PRMT3: variants seen among roughly 807,000 people sequenced by gnomAD.
PRMT3 encodes protein arginine N-methyltransferase 3.
A neutral mutation model predicts 71.9 loss-of-function variants in PRMT3; 62 were observed. That is an observed-to-expected ratio of 0.86 (90% CI 0.70 to 1.07). PRMT3 has a LOEUF of 1.07. Among genes scored for constraint, PRMT3 ranks in the 50% least tolerant of loss-of-function variants. The probability of loss-of-function intolerance (pLI) is 0.00; values close to 1 mark genes in which losing one functional copy is unlikely to be tolerated. For missense variants in PRMT3, 663 were observed against 643.0 expected (o/e 1.03, Z -0.34); for synonymous variants, 213 against 220.4 (o/e 0.97, Z 0.30).
At chr11:20,389,382 C>G (rs1166943897) in intron 2 of PRMT3, among the ~76,000 whole-genome samples, 2 of 152,110 alleles carry the variant, frequency 1.3e-5, no homozygotes, top group Non-Finnish European at 2.9e-5. Context: ...AGAGTTGACA[C>G]TTAGAGGAGA....
intron 13 of PRMT3, among the ~76,000 whole-genome samples, chr11:20,464,795 A>T (rs1271725253): frequency 6.6e-6 from 1 of 152,170 alleles, no homozygotes; most frequent in Admixed American, 6.5e-5. Context: ...AGTCTTCATT[A>T]TTTCCTATCA....
chr11:20,438,334 C>G (rs746168200), intron 10 of PRMT3, among the ~76,000 whole-genome samples: 3 of 55,380 alleles, frequency 5.4e-5, no homozygotes, highest in Non-Finnish European at 2.5e-4. Flanking sequence ...TGGGTGTTGG[C>G]TGTATCCCAG....
At position 20,387,871 on chromosome 11, in the gene PRMT3, G is replaced by C; in HGVS notation, c.28+97G>C. 1 of 1,535,722 alleles carries C rather than the reference G, an allele frequency of 6.5e-7. No individual in the cohort carries two copies. Among genetic ancestry groups the C allele is most frequent in the Non-Finnish European group, 8.8e-7 (1 of 1,140,554 alleles). ...CCCTCCGGGACACGGGCCCGGGCAG[G>C]GTGGGGGGCTCGCAGGGATCATGAA... On this transcript the variant is annotated intron_variant, in intron 1 of 15. Transcript: ENST00000331079. The surrounding 1 kb of genome is among the most constrained non-coding windows in gnomAD (Gnocchi z 4.3).
chr11:20,477,539 G>A (rs1430868323), intron 13 of PRMT3, among the ~76,000 whole-genome samples: 4 of 149,460 alleles, frequency 2.7e-5, no homozygotes, highest in African/African-American at 2.5e-5. Flanking sequence ...CTGGGTGACA[G>A]AGCAAGATTC....
chr11:20,390,846 C>G (rs148892624), intron 3 of PRMT3, among the ~76,000 whole-genome samples: 3 of 152,004 alleles, frequency 2.0e-5, no homozygotes, highest in Non-Finnish European at 4.4e-5. Context: ...GTCAGGAGAT[C>G]GAGACCATCC....
At chr11:20,408,830 A>T (rs1849129449) in intron 9 of PRMT3, among the ~76,000 whole-genome samples, 1 of 152,188 alleles carries the variant, frequency 6.6e-6, no homozygotes, top group South Asian at 2.1e-4. Flanking sequence ...ATGGTGGCTC[A>T]TGTCTGTAAT....
intron 10 of PRMT3, among the ~76,000 whole-genome samples, chr11:20,447,192 G>A (rs1446572194): frequency 6.6e-6 from 1 of 151,920 alleles, no homozygotes; most frequent in Non-Finnish European, 1.5e-5. Context: ...CAGTAGATTA[G>A]GAAAGAATGC....
intron 15 of PRMT3, 118 bp from the exon 16 acceptor site, chr11:20,508,183 TAAA>T: frequency 3.8e-6 from 2 of 522,768 alleles, no homozygotes; most frequent in South Asian, 3.1e-5. Flanking sequence ...ATATTAACCT[TAAA>T]TAAAGTTTAA....
chr11:20,389,036 C>T (rs530181122), intron 2 of PRMT3, among the ~76,000 whole-genome samples: 1 of 152,208 alleles, frequency 6.6e-6, no homozygotes, highest in East Asian at 1.9e-4. Flanking sequence ...TTATTGAGCA[C>T]CAGTGGTACC....
At chr11:20,426,149 C>T (rs1400013809) in intron 9 of PRMT3, among the ~76,000 whole-genome samples, 3 of 152,174 alleles carry the variant, frequency 2.0e-5, no homozygotes, top group African/African-American at 4.8e-5. Flanking sequence ...GATAAGATTT[C>T]AGGTTTTAAC....
intron 9 of PRMT3, among the ~76,000 whole-genome samples, chr11:20,420,051 A>G (rs1158446099): frequency 6.6e-6 from 1 of 152,164 alleles, no homozygotes; most frequent in Non-Finnish European, 1.5e-5. Flanking sequence ...ACATGCCTGT[A>G]ATCCCAGCTA....
At chr11:20,506,619 A>G (rs1390744332) in intron 15 of PRMT3, among the ~76,000 whole-genome samples, 7 of 152,112 alleles carry the variant, frequency 4.6e-5, no homozygotes, top group African/African-American at 1.2e-4. Flanking sequence ...CATTCAGATA[A>G]TTTTCCTTGA....
At chr11:20,419,687 T>C (rs1210884325) in intron 9 of PRMT3, among the ~76,000 whole-genome samples, 1 of 152,166 alleles carries the variant, frequency 6.6e-6, no homozygotes, top group African/African-American at 2.4e-5. Flanking sequence ...TTTTTGGTAT[T>C]CTCTTTAGAT....
intron 10 of PRMT3, among the ~76,000 whole-genome samples, chr11:20,442,072 C>T (rs1271275712): frequency 1.3e-5 from 2 of 152,194 alleles, no homozygotes; most frequent in East Asian, 1.9e-4. Flanking sequence ...GGATTACAGG[C>T]GTGGGCCACT....
At chr11:20,424,974 C>T (rs1343770879) in intron 9 of PRMT3, among the ~76,000 whole-genome samples, 6 of 151,972 alleles carry the variant, frequency 3.9e-5, no homozygotes, top group African/African-American at 1.2e-4. Context: ...CATGGTGTCA[C>T]GCACCTGTAG....
In PRMT3 at chr11:20,392,905, A is replaced by C. The variant is rs1848747458; in HGVS notation, c.306A>C (p.Thr102=). 1 of 1,580,880 alleles carries C rather than the reference A, an allele frequency of 6.3e-7. No homozygotes were observed. The highest frequency in any genetic ancestry group is 1.3e-5 in the African/African-American group (1 of 74,254). The change falls in exon 5 of 16, where the codon ACA becomes ACC. Residue 102 remains threonine (T), a synonymous_variant. Transcript: ENST00000331079. ...ATTAATTTTATATCCAGAATCCTAC[A>C]GTTGAGTACATGAATTCCATATACA... ...LINFIRLKNP[T]VEYMNSIYNP...
At chr11:20,401,692 C>T (rs1490587539) in intron 7 of PRMT3, among the ~76,000 whole-genome samples, 1 of 152,194 alleles carries the variant, frequency 6.6e-6, no homozygotes, top group Non-Finnish European at 1.5e-5. Context: ...ATTTTTATCA[C>T]AGTCATATTT....
At chr11:20,498,891 AATTT>A (rs1172903629) in intron 15 of PRMT3, among the ~76,000 whole-genome samples, 3 of 152,226 alleles carry the variant, frequency 2.0e-5, no homozygotes, top group Admixed American at 6.5e-5. Context: ...ATGCTGAACA[AATTT>A]ATTTTCAGCA....
intron 15 of PRMT3, among the ~76,000 whole-genome samples, chr11:20,500,874 T>C (rs1462234361): frequency 2.0e-5 from 3 of 152,160 alleles, no homozygotes; most frequent in Non-Finnish European, 2.9e-5. Context: ...TAAAGTTAGT[T>C]TTAAACTTCT....
Sources: gnomAD v4.1 joint callset for allele counts (sites outside exome capture counted in the v4.1 genomes callset) on GRCh38, gnomAD v4.1.1 for gene constraint, Gnocchi (gnomAD v3.1) non-coding constraint, MANE v1.5 for transcripts, NCBI Gene and HGNC (gene_info 2026-07-23, HGNC 2026-07-21) for gene names.